Variants in CACNA1E observed in about 807,000 individuals in gnomAD.
CACNA1E encodes the protein calcium voltage-gated channel subunit alpha1 E.
In CACNA1E, 40 loss-of-function variants were observed where a neutral mutation model predicts 259.2. That is an observed-to-expected ratio of 0.15 (90% CI 0.12 to 0.20). The LOEUF (loss-of-function observed/expected upper bound fraction) is 0.20. Among genes scored for constraint, CACNA1E ranks in the 10% least tolerant of loss-of-function variants. CACNA1E has a pLI of 1.00. For synonymous variants in CACNA1E, 1,104 were observed against 1,138.5 expected (o/e 0.97, Z 0.61); for missense variants, 1,874 against 3,040.1 (o/e 0.62, Z 9.02).
At chr1:181,356,450 T>G (rs1351158532) in intron 1 of CACNA1E, among the ~76,000 whole-genome samples, 1 of 152,142 alleles carries the variant, frequency 6.6e-6, no homozygotes, top group African/African-American at 2.4e-5. Context: ...CTTCCCCTAG[T>G]TTAATATAAG....
chr1:181,696,479 T>A (rs944402347), intron 7 of CACNA1E, among the ~76,000 whole-genome samples: 7 of 152,228 alleles, frequency 4.6e-5, no homozygotes, highest in African/African-American at 1.7e-4. Flanking sequence ...CAGAATTATA[T>A]AACCAAATTC....
chr1:181,648,464 T>C (rs543870421), intron 6 of CACNA1E, among the ~76,000 whole-genome samples: 304 of 152,350 alleles, frequency 2.0e-3, no homozygotes, highest in Admixed American at 6.3e-3. Context: ...TACTAGATTT[T>C]CTCTGAAAAT....
intron 1 of CACNA1E, among the ~76,000 whole-genome samples, chr1:181,351,831 C>G (rs1437530474): frequency 6.6e-6 from 1 of 152,224 alleles, no homozygotes; most frequent in Non-Finnish European, 1.5e-5. Flanking sequence ...CTCTCCATCT[C>G]AAGATCCTCA....
chr1:181,497,733 G>C (rs551645222), intron 1 of CACNA1E, among the ~76,000 whole-genome samples: 8 of 152,308 alleles, frequency 5.3e-5, no homozygotes, highest in African/African-American at 1.7e-4. Context: ...AGACCAGCAG[G>C]TACTCTTCCC....
chr1:181,489,067 T>TA (rs1199200779), intron 1 of CACNA1E, among the ~76,000 whole-genome samples: 1 of 152,212 alleles, frequency 6.6e-6, no homozygotes, highest in African/African-American at 2.4e-5. Context: ...CCACCTCCCT[T>TA]ACGTCATGCA....
At chr1:181,669,537 C>G (rs556238154) in intron 7 of CACNA1E, among the ~76,000 whole-genome samples, 7 of 152,172 alleles carry the variant, frequency 4.6e-5, no homozygotes. Flanking sequence ...TTAGAGCACT[C>G]GTTACGTTAT....
At chr1:181,569,205 C>A (rs1334383333) in intron 3 of CACNA1E, among the ~76,000 whole-genome samples, 2 of 152,206 alleles carry the variant, frequency 1.3e-5, no homozygotes, top group African/African-American at 4.8e-5. Context: ...GCCATGATCA[C>A]CATCTTCTCT....
In CACNA1E at chr1:181,492,014, G is replaced by T. The variant is rs113239175; in HGVS notation, c.266+8004G>T. On this transcript the variant is annotated intron_variant, in intron 1 of 47. Transcript: ENST00000367573. ...GTGGATGGCTGGGAGGGGAGTGAAG[G>T]ATCATCACATGGGAATTGGGAGGCT... Among the ~76,000 whole-genome samples, 984 of 152,286 alleles carry T rather than the reference G, an allele frequency of 6.5e-3. 7 individuals carry two copies. Among genetic ancestry groups the T allele is most frequent in the African/African-American group, 0.022 (907 of 41,548 alleles).
At chr1:181,514,261 A>G (rs1666383290) in intron 3 of CACNA1E, among the ~76,000 whole-genome samples, 1 of 152,228 alleles carries the variant, frequency 6.6e-6, no homozygotes, top group Admixed American at 6.5e-5. Context: ...TTTAATTGAC[A>G]GCATGTTTTT....
Position 181,511,894 on chromosome 1 carries a change from C to T in CACNA1E, c.512+384C>T, listed in dbSNP as rs574053605. 1.4e-4 allele frequency among the ~76,000 whole-genome samples: 21 copies of T among 152,344 alleles called. No homozygotes were observed. The South Asian group carries it at 2.9e-3, about 21-fold the overall frequency. On this transcript the variant is annotated intron_variant, in intron 3 of 47. Coordinates refer to ENST00000367573, the MANE Select transcript of CACNA1E (RefSeq NM_001205293.3). The stretch of plus-strand genomic sequence containing the variant: ...CCCCGCCTGGGAGGCACCTCCAAGA[C>T]GGGCCAAAAGATGTAGTCAAATGCA...
intron 7 of CACNA1E, among the ~76,000 whole-genome samples, chr1:181,683,694 G>T (rs1319456246): frequency 6.6e-6 from 1 of 152,102 alleles, no homozygotes; most frequent in Non-Finnish European, 1.5e-5. Flanking sequence ...GCAGTATTTG[G>T]TTTTCTGTTT....
At chr1:181,541,627 G>A (rs1668590280) in intron 3 of CACNA1E, among the ~76,000 whole-genome samples, 1 of 152,218 alleles carries the variant, frequency 6.6e-6, no homozygotes, top group Non-Finnish European at 1.5e-5. Context: ...GCAGTGCTTA[G>A]CAGCAGCTGC....
At chr1:181,772,376 T>G in intron 37 of CACNA1E, 145 bp downstream of exon 37, 1 of 747,876 alleles carries the variant, frequency 1.3e-6, no homozygotes, top group African/African-American at 1.7e-5. Context: ...ATGCACACAC[T>G]CACACTCACG....
intron 1 of CACNA1E, among the ~76,000 whole-genome samples, chr1:181,325,428 C>T (rs544621041): frequency 6.6e-6 from 1 of 152,192 alleles, no homozygotes; most frequent in South Asian, 2.1e-4. Flanking sequence ...ACATCCTGTC[C>T]CAAGGTGTGG....
chr1:181,735,142 T>C (rs942486770), intron 21 of CACNA1E, among the ~76,000 whole-genome samples: 1 of 152,226 alleles, frequency 6.6e-6, no homozygotes, highest in Non-Finnish European at 1.5e-5. Context: ...CTTCAGAAAG[T>C]GCAATCTCCC....
At chr1:181,504,279 C>T (rs1468190028) in intron 1 of CACNA1E, among the ~76,000 whole-genome samples, 4 of 152,000 alleles carry the variant, frequency 2.6e-5, no homozygotes, top group Admixed American at 2.0e-4. Context: ...CTCTTCTATA[C>T]CCCCCCAGGA....
At chr1:181,353,781 T>C (rs922342081) in intron 1 of CACNA1E, among the ~76,000 whole-genome samples, 1 of 152,174 alleles carries the variant, frequency 6.6e-6, no homozygotes, top group Non-Finnish European at 1.5e-5. Context: ...AGATAGATTC[T>C]ACCTCCTGAA....
At chr1:181,362,331 T>C (rs1326955312) in intron 1 of CACNA1E, among the ~76,000 whole-genome samples, 1 of 152,254 alleles carries the variant, frequency 6.6e-6, no homozygotes, top group Admixed American at 6.5e-5. Context: ...GACTGGTATG[T>C]GTGAGTCCTT....
At chr1:181,596,556 ACGTGTGTG>A (rs1377751752) in intron 6 of CACNA1E, among the ~76,000 whole-genome samples, 2 of 53,598 alleles carry the variant, frequency 3.7e-5, no homozygotes, top group Admixed American at 4.2e-4. Flanking sequence ...CCCACCATGT[ACGTGTGTG>A]TGTGTGTGTG....
Sources: gnomAD v4.1 joint callset for allele counts (sites outside exome capture counted in the v4.1 genomes callset) on GRCh38, gnomAD v4.1.1 for gene constraint, MANE v1.5 for transcripts, NCBI Gene and HGNC (gene_info 2026-07-23, HGNC 2026-07-21) for gene names.